PTK2B: variants seen among roughly 807,000 people sequenced by gnomAD.
The protein encoded by PTK2B is protein tyrosine kinase 2 beta, also known as protein-tyrosine kinase 2-beta.
In PTK2B, 71 loss-of-function variants were observed where a neutral mutation model predicts 142.9. That is an observed-to-expected ratio of 0.50 (90% CI 0.41 to 0.61). The LOEUF (loss-of-function observed/expected upper bound fraction) is 0.61. Ranked by LOEUF, PTK2B falls within the 20% of genes least tolerant of loss-of-function variation. The pLI is 0.00. For synonymous variants in PTK2B, 519 were observed against 503.4 expected (o/e 1.03, Z -0.42); for missense variants, 1,105 against 1,320.4 (o/e 0.84, Z 2.53).
At chr8:27,441,865 G>C (rs1232373301) in intron 21 of PTK2B, among the ~76,000 whole-genome samples, 1 of 152,232 alleles carries the variant, frequency 6.6e-6, no homozygotes, top group East Asian at 1.9e-4. Flanking sequence ...AGCTGTGCAG[G>C]TGTCTCTCCT....
chr8:27,361,619 A>T (rs1586160660), intron 1 of PTK2B, among the ~76,000 whole-genome samples: 1 of 152,148 alleles, frequency 6.6e-6, no homozygotes, highest in East Asian at 1.9e-4. Context: ...GGGACCTTGG[A>T]TAGGGGGCTT....
chr8:27,344,868 G>A (rs1804622493), intron 1 of PTK2B, among the ~76,000 whole-genome samples: 1 of 152,194 alleles, frequency 6.6e-6, no homozygotes, highest in Non-Finnish European at 1.5e-5. Flanking sequence ...GAAGGAGGGA[G>A]GAAGAAGAGT....
At chr8:27,388,640 T>C (rs1807519932) in intron 1 of PTK2B, among the ~76,000 whole-genome samples, 3 of 152,206 alleles carry the variant, frequency 2.0e-5, no homozygotes, top group Admixed American at 2.0e-4. Flanking sequence ...CACAAGCCAA[T>C]GGTGTCCATT....
Position 27,380,032 on chromosome 8 carries a change from G to T in PTK2B, c.-37-17516G>T, listed in dbSNP as rs569868377. Among the ~76,000 whole-genome samples the T allele has an allele frequency of 3.3e-5, 5 of 152,324 alleles. No homozygotes were observed. The South Asian group carries it at 8.3e-4, about 25-fold the overall frequency. ...GCTGGGATTACAGGCATGAGCCACT[G>T]CACCTGGCCCTGTGCTTTTTTGATG... On this transcript the variant is annotated intron_variant, in intron 1 of 30. Coordinates refer to ENST00000346049, the MANE Select transcript of PTK2B (RefSeq NM_173176.3).
chr8:27,444,278 A>G lies in PTK2B; in HGVS notation c.2214+7A>G. ...TCCAAAGCTGCAGTTCCAGGTAAAG[A>G]TAGAACCAGAGGACGGGAACTTCAG... On this transcript the variant is annotated splice_region_variant and intron_variant, in intron 23 of 30. Coordinates refer to ENST00000346049, the MANE Select transcript of PTK2B (RefSeq NM_173176.3). The G allele has an allele frequency of 6.2e-7, 1 of 1,611,818 alleles. No homozygotes were observed. The highest frequency in any genetic ancestry group is 8.5e-7 in the Non-Finnish European group (1 of 1,177,946).
chr8:27,394,806 C>T (rs768974896), intron 1 of PTK2B, among the ~76,000 whole-genome samples: 10 of 152,090 alleles, frequency 6.6e-5, no homozygotes, highest in Non-Finnish European at 1.3e-4. Context: ...ATTCTATAAG[C>T]TTTCCATTTC....
At chr8:27,366,449 T>G (rs1468865311) in intron 1 of PTK2B, among the ~76,000 whole-genome samples, 2 of 152,264 alleles carry the variant, frequency 1.3e-5, no homozygotes, top group Admixed American at 1.3e-4. Context: ...TGGTGCCATG[T>G]TGGCCTTTGC....
At chr8:27,407,218 A>T (rs1352728710) in intron 2 of PTK2B, among the ~76,000 whole-genome samples, 1 of 152,040 alleles carries the variant, frequency 6.6e-6, no homozygotes, top group African/African-American at 2.4e-5. Flanking sequence ...GCCTTCTCAG[A>T]ACTCTACTTC....
At chr8:27,399,816 A>C (rs1309345447) in intron 2 of PTK2B, among the ~76,000 whole-genome samples, 1 of 152,214 alleles carries the variant, frequency 6.6e-6, no homozygotes, top group East Asian at 1.9e-4. Flanking sequence ...AAAGCCACTT[A>C]GACTTCTAGC....
intron 5 of PTK2B, among the ~76,000 whole-genome samples, chr8:27,424,795 A>G (rs1420035958): frequency 6.6e-6 from 1 of 152,206 alleles, no homozygotes; most frequent in African/African-American, 2.4e-5. Flanking sequence ...GCTACCTACA[A>G]ATCATGGGCA....
At chr8:27,332,484 C>T (rs1245879529) in intron 1 of PTK2B, among the ~76,000 whole-genome samples, 1 of 152,162 alleles carries the variant, frequency 6.6e-6, no homozygotes, top group South Asian at 2.1e-4. Context: ...CTCTCTGAGC[C>T]TTACTTTGCT....
At chr8:27,439,497 C>T (rs1291139021) in intron 20 of PTK2B, 99 bp downstream of exon 20, 1 of 1,278,812 alleles carries the variant, frequency 7.8e-7, no homozygotes, top group East Asian at 2.4e-5. Context: ...TGACCTCCAC[C>T]CTCCGTTCCC....
chr8:27,397,771 G>A lies in PTK2B; in HGVS notation c.187G>A (p.Val63Ile), dbSNP rs1160887487. ...AAACTTCAAACTGGTCAAATGCACT[G>A]TCCAGACGGAGATCCGGGTAAGTGT... ...GKNFKLVKCT[V>I]QTEIREIITS... Residue 63 changes from valine to isoleucine, a missense_variant, in exon 2 of 31, where the codon GTC becomes ATC. Val to Ile is a conservative substitution (Grantham distance 29, BLOSUM62 3). Transcript: ENST00000346049. 1 of 1,614,200 alleles carries A rather than the reference G, an allele frequency of 6.2e-7. No homozygotes were observed. Among genetic ancestry groups the A allele is most frequent in the Admixed American group, 1.7e-5 (1 of 60,034 alleles).
rs746247970 is a variant in PTK2B, at chr8:27,420,108, G to A, written c.383+35G>A. ...GATTCCTGGGCTCTGGAAGTGGGAAGGAGAGGAATTTAGGGTGGGGAGGCC... is the reference window on the plus strand; with the variant it reads ...GATTCCTGGGCTCTGGAAGTGGGAAAGAGAGGAATTTAGGGTGGGGAGGCC... On this transcript the variant is annotated intron_variant, in intron 3 of 30. Transcript: ENST00000346049. 6 of 1,610,184 alleles carry A rather than the reference G, an allele frequency of 3.7e-6. No homozygotes were observed. The South Asian group carries it at 5.5e-5, about 15-fold the overall frequency.
At chr8:27,417,305 A>G (rs1195478742) in intron 2 of PTK2B, among the ~76,000 whole-genome samples, 1 of 152,234 alleles carries the variant, frequency 6.6e-6, no homozygotes, top group Non-Finnish European at 1.5e-5. Flanking sequence ...GATCTCAGAC[A>G]TTATGCTGAG....
chr8:27,438,954 C>A, intron 18 of PTK2B, 77 bp from the exon 19 acceptor site: 1 of 1,318,776 alleles, frequency 7.6e-7, no homozygotes, highest in East Asian at 2.3e-5. Context: ...CTTTTTCCAT[C>A]TGTCTGTCCA....
intron 14 of PTK2B, 36 bp from the exon 15 acceptor site, chr8:27,436,215 C>T (rs1364796198): frequency 6.2e-7 from 1 of 1,603,938 alleles, no homozygotes; most frequent in South Asian, 1.1e-5. Flanking sequence ...TACCACCGAT[C>T]TCTGTGATCT....
At chr8:27,354,490 A>G (rs1256177748) in intron 1 of PTK2B, among the ~76,000 whole-genome samples, 2 of 152,188 alleles carry the variant, frequency 1.3e-5, no homozygotes, top group Admixed American at 1.3e-4. Flanking sequence ...CGTTGCAGAC[A>G]GATGAAACAA....
intron 1 of PTK2B, among the ~76,000 whole-genome samples, chr8:27,332,956 G>A (rs574316033): frequency 1.3e-5 from 2 of 152,298 alleles, no homozygotes; most frequent in Admixed American, 6.5e-5. Context: ...ATAAAGAACT[G>A]TAAGATATTT....
Sources: gnomAD v4.1 joint callset for allele counts (sites outside exome capture counted in the v4.1 genomes callset) on GRCh38, gnomAD v4.1.1 for gene constraint, MANE v1.5 for transcripts, NCBI Gene and HGNC (gene_info 2026-07-23, HGNC 2026-07-21) for gene names.